BORCS5: variants seen among roughly 807,000 people sequenced by gnomAD.
The protein encoded by BORCS5 is BLOC-1-related complex subunit 5.
Under a neutral mutation model 22.1 loss-of-function variants are expected in BORCS5, and 17 were observed. The observed-to-expected ratio is 0.77, with a 90% confidence interval of 0.53 to 1.15. The LOEUF is 1.15. Among genes scored for constraint, BORCS5 ranks in the 50% most tolerant of loss-of-function variants. The probability of loss-of-function intolerance (pLI) is 0.00; values close to 1 mark genes in which losing one functional copy is unlikely to be tolerated. For synonymous variants in BORCS5, 117 were observed against 99.8 expected, an observed-to-expected ratio of 1.17 and a Z score of -1.03; for missense variants, 247 against 253.2, an observed-to-expected ratio of 0.98 and a Z score of 0.17.
chr12:12,373,102 C>G (rs978016995), intron 2 of BORCS5, among the ~76,000 whole-genome samples: 7 of 152,132 alleles, frequency 4.6e-5, no homozygotes, highest in African/African-American at 4.8e-5. Context: ...GGGTGGAGCC[C>G]TCATGTCATG....
intron 2 of BORCS5, among the ~76,000 whole-genome samples, chr12:12,405,326 A>G (rs1941572189): frequency 6.6e-6 from 1 of 152,244 alleles, no homozygotes; most frequent in Admixed American, 6.5e-5. Context: ...TAAGTTGCCA[A>G]ATCATTGACA....
At position 12,411,709 on chromosome 12, in the gene BORCS5, G is replaced by A. The variant is rs768987884; in HGVS notation, c.203-23919G>A. ...TCAGTGTCATGAAACTTTTGCCTGC[G>A]TTTTCTCACTATAGGAAACTATAGT... On this transcript the variant is annotated intron_variant, in intron 2 of 3. Coordinates refer to ENST00000314565, the MANE Select transcript of BORCS5 (RefSeq NM_058169.6). Among the ~76,000 whole-genome samples, 55 of 151,888 alleles carry A rather than the reference G, an allele frequency of 3.6e-4. 1 individual carries two copies. The highest frequency in any genetic ancestry group is 7.5e-4 in the Non-Finnish European group (51 of 67,990).
At chr12:12,445,194 A>G (rs1942758977) in intron 3 of BORCS5, among the ~76,000 whole-genome samples, 1 of 151,986 alleles carries the variant, frequency 6.6e-6, no homozygotes, top group Non-Finnish European at 1.5e-5. Flanking sequence ...CAGGTGTGCC[A>G]CCTACCTGGC....
At chr12:12,439,405 ATTGT>A (rs1170420972) in intron 3 of BORCS5, among the ~76,000 whole-genome samples, 1 of 152,120 alleles carries the variant, frequency 6.6e-6, no homozygotes, top group African/African-American at 2.4e-5. Flanking sequence ...AGGCAGGTGG[ATTGT>A]TTGAGCCCAG....
chr12:12,428,708 A>C (rs1942349879), intron 2 of BORCS5, among the ~76,000 whole-genome samples: 1 of 152,202 alleles, frequency 6.6e-6, no homozygotes, highest in South Asian at 2.1e-4. Context: ...GAGTATTAGG[A>C]GTGAAGTGTC....
At chr12:12,395,435 A>ATTT (rs59277387) in intron 2 of BORCS5, among the ~76,000 whole-genome samples, 73 of 107,834 alleles carry the variant, frequency 6.8e-4, no homozygotes, top group Middle Eastern at 5.6e-3. Context: ...CACCCAGCTA[A>ATTT]TTTTTTTTTT....
At chr12:12,418,247 C>A (rs932504042) in intron 2 of BORCS5, among the ~76,000 whole-genome samples, 9 of 149,454 alleles carry the variant, frequency 6.0e-5, no homozygotes, top group African/African-American at 2.2e-4. Context: ...CACTGTGTTG[C>A]CAGGATGGTC....
intron 3 of BORCS5, among the ~76,000 whole-genome samples, chr12:12,456,218 G>C (rs969198480): frequency 2.6e-5 from 4 of 152,184 alleles, no homozygotes; most frequent in African/African-American, 9.7e-5. Flanking sequence ...GGATGGCTTG[G>C]GCCAGGAGTT....
chr12:12,408,461 T>C (rs1223160656), intron 2 of BORCS5, among the ~76,000 whole-genome samples: 1 of 152,210 alleles, frequency 6.6e-6, no homozygotes, highest in Non-Finnish European at 1.5e-5. Flanking sequence ...ATTAAGTACA[T>C]TGAGATTGTT....
intron 2 of BORCS5, among the ~76,000 whole-genome samples, chr12:12,422,692 C>T (rs575554364): frequency 9.2e-5 from 14 of 152,214 alleles, no homozygotes; most frequent in African/African-American, 3.1e-4. Flanking sequence ...AACTCTGCTC[C>T]TTTCCAGCTT....
chr12:12,419,986 T>G (rs1184818408), intron 2 of BORCS5, among the ~76,000 whole-genome samples: 6 of 152,186 alleles, frequency 3.9e-5, no homozygotes, highest in East Asian at 1.9e-4. Context: ...TTTCTCCCAT[T>G]CTGTAGGTTG....
chr12:12,432,650 A>G (rs1268950182), intron 2 of BORCS5, among the ~76,000 whole-genome samples: 1 of 152,250 alleles, frequency 6.6e-6, no homozygotes, highest in Non-Finnish European at 1.5e-5. Flanking sequence ...GAATGGTTTA[A>G]CAAACTCTGA....
intron 2 of BORCS5, among the ~76,000 whole-genome samples, chr12:12,371,268 C>T (rs2136029103): frequency 6.6e-6 from 1 of 152,200 alleles, no homozygotes; most frequent in Admixed American, 6.5e-5. Flanking sequence ...TACACACCCA[C>T]ACATTTACAC....
intron 3 of BORCS5, among the ~76,000 whole-genome samples, chr12:12,437,636 A>G (rs1246379747): frequency 1.3e-5 from 2 of 152,314 alleles, no homozygotes; most frequent in Non-Finnish European, 2.9e-5. Context: ...CTCACAATAA[A>G]GAAAGCCAGA....
At chr12:12,463,539 CTG>C (rs984792407) in intron 3 of BORCS5, among the ~76,000 whole-genome samples, 9 of 152,192 alleles carry the variant, frequency 5.9e-5, no homozygotes, top group African/African-American at 2.2e-4. Context: ...GGTTCTGTCA[CTG>C]TGAGATCTTC....
At chr12:12,392,831 C>T (rs1941231082) in intron 2 of BORCS5, among the ~76,000 whole-genome samples, 1 of 152,100 alleles carries the variant, frequency 6.6e-6, no homozygotes, top group Non-Finnish European at 1.5e-5. Context: ...AAAATTAGAT[C>T]AAATCCTGTA....
intron 3 of BORCS5, among the ~76,000 whole-genome samples, chr12:12,449,138 CAGAG>C (rs1052990212): frequency 6.6e-6 from 1 of 152,144 alleles, no homozygotes; most frequent in African/African-American, 2.4e-5. Flanking sequence ...AGAAGGTAGA[CAGAG>C]AGTGGACTCA....
rs1476786940 is a variant in BORCS5 at position 12,469,411 on chromosome 12, T to G, written c.*3635T>G. The stretch of plus-strand genomic sequence containing the variant: ...TTTTGAGTAAAAAAGTTTGATTTTA[T>G]GTATGTGTGCGTCTGTATATATGTT... On this transcript the variant is annotated 3_prime_UTR_variant, in exon 4 of 4. Transcript: ENST00000314565. 6.6e-6 allele frequency: 1 copy of G among 152,260 alleles called. No homozygotes were observed. The highest frequency in any genetic ancestry group is 1.5e-5 in the Non-Finnish European group (1 of 68,050). 9.4% of individuals were successfully genotyped at this position (152,260 alleles called of 1,614,324 possible). A position where few individuals can be genotyped will look rare whatever the true frequency, so the allele number is the denominator to read the frequency against.
chr12:12,386,254 G>C (rs990300475), intron 2 of BORCS5, among the ~76,000 whole-genome samples: 5 of 151,164 alleles, frequency 3.3e-5, no homozygotes, highest in Non-Finnish European at 7.4e-5. Context: ...ACCTGCCTCG[G>C]CCTCCCAAAG....
Sources: allele counts gnomAD v4.1 joint callset (sites outside exome capture counted in the v4.1 genomes callset), GRCh38; gene constraint gnomAD v4.1.1; transcripts MANE v1.5; gene names NCBI Gene and HGNC (gene_info 2026-07-23, HGNC 2026-07-21).